The following ROBO1 variants were observed in gnomAD, a reference collection of about 807,000 sequenced individuals.
ROBO1 encodes the protein roundabout guidance receptor 1.
ROBO1 carries 149 observed loss-of-function variants against 195.9 expected under a neutral mutation model. That is an observed-to-expected ratio of 0.76 (90% CI 0.67 to 0.87). The LOEUF (loss-of-function observed/expected upper bound fraction) is 0.87. Ranked by LOEUF, ROBO1 falls within the 40% of genes least tolerant of loss-of-function variation. ROBO1 has a pLI of 0.00. For missense variants in ROBO1, 1,933 were observed against 2,068.3 expected, an observed-to-expected ratio of 0.93 and a Z score of 1.27; for synonymous variants, 816 against 733.2, an observed-to-expected ratio of 1.11 and a Z score of -1.82.
intron 3 of ROBO1, among the ~76,000 whole-genome samples, chr3:79,113,385 G>C (rs897364238): frequency 1.3e-5 from 2 of 151,462 alleles, no homozygotes; most frequent in Non-Finnish European, 2.9e-5. Flanking sequence ...CATTGAGTGA[G>C]GTTTTTTTTT....
chr3:79,450,764 C>T (rs965080134), intron 2 of ROBO1, among the ~76,000 whole-genome samples: 60 of 151,922 alleles, frequency 3.9e-4, no homozygotes, highest in African/African-American at 1.3e-3. Flanking sequence ...TATTAACACT[C>T]TAACATTCTA....
At chr3:79,011,672 T>C (rs2077781632) in intron 3 of ROBO1, among the ~76,000 whole-genome samples, 2 of 148,168 alleles carry the variant, frequency 1.3e-5, no homozygotes, top group Non-Finnish European at 3.0e-5. Context: ...TATATATTTA[T>C]ATATAAATAT....
chr3:78,794,241 C>T (rs1253069588), intron 4 of ROBO1, among the ~76,000 whole-genome samples: 1 of 151,988 alleles, frequency 6.6e-6, no homozygotes, highest in African/African-American at 2.4e-5. Context: ...TCTCAATATC[C>T]CTATCAATAT....
At chr3:79,345,156 G>A (rs549604328) in intron 2 of ROBO1, among the ~76,000 whole-genome samples, 1 of 152,264 alleles carries the variant, frequency 6.6e-6, no homozygotes, top group Non-Finnish European at 1.5e-5. Context: ...GTCTAGAAAT[G>A]TTTACTTATT....
At chr3:79,092,596 A>T (rs1287469255) in intron 3 of ROBO1, among the ~76,000 whole-genome samples, 1 of 152,192 alleles carries the variant, frequency 6.6e-6, no homozygotes, top group African/African-American at 2.4e-5. Context: ...ACTCCATTTA[A>T]ACCTTTTTCT....
intron 2 of ROBO1, among the ~76,000 whole-genome samples, chr3:79,263,703 T>C (rs1017770370): frequency 2.0e-5 from 3 of 152,008 alleles, no homozygotes; most frequent in Admixed American, 2.0e-4. Context: ...TATTTTACTC[T>C]GTTTCCTCCA....
chr3:79,278,914 G>A (rs2031282777), intron 2 of ROBO1, among the ~76,000 whole-genome samples: 1 of 151,970 alleles, frequency 6.6e-6, no homozygotes, highest in Non-Finnish European at 1.5e-5. Flanking sequence ...CTACCAAATG[G>A]GAGAATGTAT....
At chr3:79,540,786 C>A (rs1362808925) in intron 2 of ROBO1, among the ~76,000 whole-genome samples, 1 of 152,092 alleles carries the variant, frequency 6.6e-6, no homozygotes, top group Non-Finnish European at 1.5e-5. Context: ...CTTTTGTGTG[C>A]ACCTCTATGC....
chr3:79,382,437 G>A (rs1304126330), intron 2 of ROBO1, among the ~76,000 whole-genome samples: 2 of 151,926 alleles, frequency 1.3e-5, no homozygotes, highest in African/African-American at 2.4e-5. Context: ...CAGAGGTGAC[G>A]TGACAAGATA....
rs1940394257 is a variant in ROBO1 at position 79,506,327 on chromosome 3, T to TAGA, written c.88+83494_88+83496dup. 2.6e-5 allele frequency among the ~76,000 whole-genome samples: 4 copies of TAGA among 152,064 alleles called. No homozygotes were observed. The South Asian group carries it at 8.3e-4, about 31-fold the overall frequency. ...GATGCCTAACCAGCAACGGGGTGAA[T>TAGA]AGAAGTAAGAGATAATGAAATGACA... is the stretch of plus-strand genomic sequence containing the variant. On this transcript the variant is annotated intron_variant, in intron 2 of 30. Transcript: ENST00000464233.
At chr3:79,380,179 A>T (rs1311066154) in intron 2 of ROBO1, among the ~76,000 whole-genome samples, 1 of 152,104 alleles carries the variant, frequency 6.6e-6, no homozygotes, top group Non-Finnish European at 1.5e-5. Flanking sequence ...TTTCTCTTCC[A>T]GGTTTGTCAC....
rs1468826536 is a variant in ROBO1 at position 78,597,908 on chromosome 3, C to A, written c.*1005G>T. ...ATAAGACAAAAAAGGTTAATAGTTA[C>A]AATGGTTTACAAATAAAGTTTAGTG... On this transcript the variant is annotated 3_prime_UTR_variant, in exon 31 of 31. Transcript: ENST00000464233. The A allele has an allele frequency of 9.6e-6, 1 of 103,882 alleles. No individual in the cohort carries two copies. Among genetic ancestry groups the A allele is most frequent in the Non-Finnish European group, 2.0e-5 (1 of 51,046 alleles). 6.4% of individuals were successfully genotyped at this position (103,882 alleles called of 1,614,324 possible).
At chr3:78,798,711 T>C (rs1448516272) in intron 4 of ROBO1, among the ~76,000 whole-genome samples, 3 of 152,210 alleles carry the variant, frequency 2.0e-5, no homozygotes, top group African/African-American at 7.2e-5. Flanking sequence ...AACACAGACA[T>C]GTCAAAACAT....
At position 79,282,123 on chromosome 3, in the gene ROBO1, G is replaced by A. The variant is rs116551413; in HGVS notation, c.89-156584C>T. On this transcript the variant is annotated intron_variant, in intron 2 of 30. Coordinates refer to ENST00000464233, the MANE Select transcript of ROBO1 (RefSeq NM_002941.4). ...TTCAATAAAATGTGGTACATGCTAC[G>A]AAAAAAATAATTAAGATGTGCTATG... Among the ~76,000 whole-genome samples, 859 of 152,034 alleles carry A rather than the reference G, an allele frequency of 5.7e-3. 3 individuals carry two copies. The highest frequency in any genetic ancestry group is 0.014 in the Middle Eastern group (4 of 294).
intron 1 of ROBO1, among the ~76,000 whole-genome samples, chr3:79,603,582 G>A (rs199969517): frequency 1.3e-5 from 2 of 151,858 alleles, no homozygotes; most frequent in African/African-American, 4.8e-5. Flanking sequence ...ACCCTAGGAC[G>A]GGAATCCCTC....
chr3:78,887,264 C>T (rs574362577), intron 4 of ROBO1, among the ~76,000 whole-genome samples: 27 of 152,138 alleles, frequency 1.8e-4, no homozygotes, highest in Non-Finnish European at 3.2e-4. Flanking sequence ...GAAAAATTTG[C>T]ACCATCACTT....
chr3:79,118,332 G>A (rs1170946078), intron 3 of ROBO1, among the ~76,000 whole-genome samples: 1 of 149,948 alleles, frequency 6.7e-6, no homozygotes, highest in Non-Finnish European at 1.5e-5. Flanking sequence ...GGTAAACAAA[G>A]ATTCTTACTG....
At chr3:79,371,555 C>T (rs774879433) in intron 2 of ROBO1, among the ~76,000 whole-genome samples, 13 of 151,572 alleles carry the variant, frequency 8.6e-5, no homozygotes, top group South Asian at 2.1e-4. Flanking sequence ...TTTGAATTTA[C>T]GTAAAGACAC....
chr3:79,048,254 C>T (rs1027105132), intron 3 of ROBO1, among the ~76,000 whole-genome samples: 1 of 152,124 alleles, frequency 6.6e-6, no homozygotes, highest in Non-Finnish European at 1.5e-5. Flanking sequence ...CATGCCATCC[C>T]CATCCCGTGG....
Sources: allele counts gnomAD v4.1 joint callset (sites outside exome capture counted in the v4.1 genomes callset), GRCh38; gene constraint gnomAD v4.1.1; transcripts MANE v1.5; gene names NCBI Gene and HGNC (gene_info 2026-07-23, HGNC 2026-07-21).